ADGRA1: variants seen among roughly 807,000 people sequenced by gnomAD.
ADGRA1 encodes adhesion G protein-coupled receptor A1, also known as G-protein coupled receptor 123.
In ADGRA1, 12 loss-of-function variants were observed where a neutral mutation model predicts 21.3. That is an observed-to-expected ratio of 0.56 (90% CI 0.36 to 0.91). The LOEUF is 0.91. Ranked by LOEUF, ADGRA1 falls within the 40% of genes least tolerant of loss-of-function variation. ADGRA1 has a pLI of 0.01. For synonymous variants in ADGRA1, 385 were observed against 368.8 expected (o/e 1.04, Z -0.50); for missense variants, 790 against 805.6 (o/e 0.98, Z 0.23).
Position 133,094,998 on chromosome 10 carries a change from G to A in ADGRA1, c.4-1976G>A, listed in dbSNP as rs537908400. On this transcript the variant is annotated intron_variant, in intron 2 of 6. Transcript: ENST00000392607. ...GTGGGCGCCTACTAAACCAGCAAAC[G>A]TGGGACAACCAGCCTGGCACCGCCC... Among the ~76,000 whole-genome samples the A allele has an allele frequency of 2.6e-5, 4 of 152,272 alleles. No individual in the cohort carries two copies. The East Asian group carries it at 7.7e-4, about 29-fold the overall frequency.
intron 5 of ADGRA1, among the ~76,000 whole-genome samples, chr10:133,122,277 C>T (rs1852284011): frequency 6.6e-6 from 1 of 152,206 alleles, no homozygotes; most frequent in African/African-American, 2.4e-5. Flanking sequence ...GCAGCATCAG[C>T]CATGGCGGGA....
intron 5 of ADGRA1, among the ~76,000 whole-genome samples, chr10:133,104,806 G>A (rs1851863884): frequency 6.6e-6 from 1 of 152,206 alleles, no homozygotes; most frequent in Non-Finnish European, 1.5e-5. Flanking sequence ...AGGAGTGGTG[G>A]GCGGTGTTAG....
chr10:133,127,033 C>T (rs536174038), intron 5 of ADGRA1, among the ~76,000 whole-genome samples, 200 bp from the exon 6 acceptor site: 1 of 144,396 alleles, frequency 6.9e-6, no homozygotes, highest in East Asian at 2.3e-4. Context: ...CGCAGAGGCC[C>T]GCGGGAGGCC....
intron 5 of ADGRA1, among the ~76,000 whole-genome samples, chr10:133,119,142 C>T (rs1457403655): frequency 6.6e-6 from 1 of 152,172 alleles, no homozygotes; most frequent in Non-Finnish European, 1.5e-5. Flanking sequence ...GAGCACAGCT[C>T]AAGTCACAGC....
Position 133,088,856 on chromosome 10 carries a change from C to A in ADGRA1, c.-54C>A, listed in dbSNP as rs1851549176. The A allele has an allele frequency of 8.1e-7, 1 of 1,237,268 alleles. No homozygotes were observed. Among genetic ancestry groups the A allele is most frequent in the African/African-American group, 1.5e-5 (1 of 64,630 alleles). 76.6% of individuals were successfully genotyped at this position (1,237,268 alleles called of 1,614,324 possible). A position where few individuals can be genotyped will look rare whatever the true frequency, so the allele number is the denominator to read the frequency against. ...GGAGCAGGGCGCCACCTGATCGCCT[C>A]CCCCTGGACGCCTCCTCCAGCGGCG... On this transcript the variant is annotated 5_prime_UTR_variant, in exon 2 of 7. Coordinates refer to ENST00000392607, the MANE Select transcript of ADGRA1 (RefSeq NM_001083909.3).
At chr10:133,112,439 GGGGTCTACGGGCCACGTCA>G (rs1852058549) in intron 5 of ADGRA1, among the ~76,000 whole-genome samples, 1 of 142,446 alleles carries the variant, frequency 7.0e-6, no homozygotes, top group Non-Finnish European at 1.5e-5. Context: ...TCGGTTATTT[GGGGTCTACGGGCCACGTCA>G]GTTATTTGGG....
Position 133,102,690 on chromosome 10 carries a change from C to T in ADGRA1, c.256-7C>T, listed in dbSNP as rs1415986622. On this transcript the variant is annotated splice_polypyrimidine_tract_variant and splice_region_variant and intron_variant, in intron 4 of 6. Transcript: ENST00000392607. Reference sequence around the variant, plus strand: ...CAAGGGCCTGGCTGACCGCTGCTCCCCCACAGGTGGGCATCGTGCTGCACT... The same window carrying T: ...CAAGGGCCTGGCTGACCGCTGCTCCTCCACAGGTGGGCATCGTGCTGCACT... 2.5e-6 allele frequency: 4 copies of T among 1,593,330 alleles called. No homozygotes were observed. Among genetic ancestry groups the T allele is most frequent in the Non-Finnish European group, 3.4e-6 (4 of 1,164,838 alleles).
intron 3 of ADGRA1, among the ~76,000 whole-genome samples, chr10:133,097,710 A>T (rs960673895): frequency 5.3e-5 from 8 of 152,196 alleles, no homozygotes; most frequent in African/African-American, 1.7e-4. Context: ...GCAGCAGAAC[A>T]CGGGGGCCTC....
intron 5 of ADGRA1, among the ~76,000 whole-genome samples, chr10:133,124,801 G>C (rs1191760885): frequency 6.6e-6 from 1 of 152,254 alleles, no homozygotes; most frequent in East Asian, 1.9e-4. Flanking sequence ...GTGGATGGTG[G>C]ATGCTGGACC....
rs762897266 is a variant in ADGRA1, at chr10:133,128,446, G to A, written c.618G>A (p.Gly206=). 4.4e-6 allele frequency: 7 copies of A among 1,600,954 alleles called. No individual in the cohort carries two copies. The highest frequency in any genetic ancestry group is 6.0e-6 in the Non-Finnish European group (7 of 1,175,092). ...ACGTGCAGCTGCGGCGCCACCCAGG[G>A]CGCAGGTACGAGCTGCGCACACAGC... ...GTYVQLRRHP[G]RRYELRTQPE... The change falls in exon 7 of 7, where the codon GGG becomes GGA. Residue 206 remains glycine (G), a synonymous_variant. Coordinates refer to ENST00000392607, the MANE Select transcript of ADGRA1 (RefSeq NM_001083909.3).
At chr10:133,094,390 C>T (rs1392009224) in intron 2 of ADGRA1, among the ~76,000 whole-genome samples, 1 of 152,236 alleles carries the variant, frequency 6.6e-6, no homozygotes, top group Non-Finnish European at 1.5e-5. Context: ...TCGCAGGCAC[C>T]AGACATCAGG....
rs1564848991 is a variant in ADGRA1, at chr10:133,111,237, CCCACCAGACAA to C, written c.401+8398_401+8408del. ...CCACCACAGGCACCTCCCTCCTAAT[CCCACCAGACAA>C]CCTGCCCACCACAGGCACCTCCCTC... On this transcript the variant is annotated intron_variant, in intron 5 of 6. Transcript: ENST00000392607. Among the ~76,000 whole-genome samples the C allele has an allele frequency of 3.4e-4, 36 of 104,966 alleles. 1 individual carries two copies. The East Asian group carries it at 6.8e-3, about 20-fold the overall frequency. 68.9% of individuals were successfully genotyped at this position (104,966 alleles called of 152,430 possible).
rs1488337014 is a variant in ADGRA1, at chr10:133,129,351, C to A, written c.1523C>A (p.Pro508His). 4 of 1,587,714 alleles carry A rather than the reference C, an allele frequency of 2.5e-6. No individual in the cohort carries two copies. The highest frequency in any genetic ancestry group is 3.4e-6 in the Non-Finnish European group (4 of 1,169,282). ...CCGGGCAGGGAGGCAGCGCTCGGGC[C>A]CGGCCACTTGGAGATGCTGCGGAGG... ...TQPGREAALG[P>H]GHLEMLRRTQ... Residue 508 changes from proline to histidine, a missense_variant, in exon 7 of 7, where the codon CCC becomes CAC. Pro to His is a moderately conservative substitution (Grantham distance 77). Transcript: ENST00000392607.
At chr10:133,091,385 G>A (rs1470604906) in intron 2 of ADGRA1, among the ~76,000 whole-genome samples, 1 of 152,158 alleles carries the variant, frequency 6.6e-6, no homozygotes, top group African/African-American at 2.4e-5. Context: ...TGGTTGCTGT[G>A]GGATATGGTG....
intron 2 of ADGRA1, among the ~76,000 whole-genome samples, chr10:133,094,457 C>T (rs1402293666): frequency 1.3e-5 from 2 of 152,346 alleles, no homozygotes; most frequent in Non-Finnish European, 2.9e-5. Flanking sequence ...CCGCCCCTCG[C>T]CCCCGTAGCT....
intron 5 of ADGRA1, among the ~76,000 whole-genome samples, chr10:133,120,763 G>A (rs184585899): frequency 3.5e-4 from 54 of 152,296 alleles, no homozygotes; most frequent in Admixed American, 2.7e-3. Context: ...TCATTCATGC[G>A]TTGCTGGAGG....
At chr10:133,113,655 G>A (rs188078013) in intron 5 of ADGRA1, among the ~76,000 whole-genome samples, 65 of 152,180 alleles carry the variant, frequency 4.3e-4, no homozygotes, top group African/African-American at 1.5e-3. Context: ...TCCTCAGGAT[G>A]AGCTGCCTAA....
intron 3 of ADGRA1, among the ~76,000 whole-genome samples, chr10:133,098,203 G>C (rs1419036435): frequency 6.6e-6 from 1 of 152,162 alleles, no homozygotes; most frequent in South Asian, 2.1e-4. Flanking sequence ...TCAGCCCCAG[G>C]CTATAGCCGG....
rs1168137722 is a variant in ADGRA1 at position 133,129,061 on chromosome 10, C to G, written c.1233C>G (p.Pro411=). 2 of 1,552,610 alleles carry G rather than the reference C, an allele frequency of 1.3e-6. No homozygotes were observed. Among genetic ancestry groups the G allele is most frequent in the African/African-American group, 2.7e-5 (2 of 73,424 alleles). The part of the protein sequence containing the change: ...LQEEGAFGHD[P]HLHGCLQGRT... ...AGGAGGGCGCCTTCGGGCACGACCCCCACCTGCACGGGTGCCTTCAGGGCA... is the reference window on the plus strand; with the variant it reads ...AGGAGGGCGCCTTCGGGCACGACCCGCACCTGCACGGGTGCCTTCAGGGCA... The change falls in exon 7 of 7, where the codon CCC becomes CCG. Residue 411 remains proline (P), a synonymous_variant. Coordinates refer to ENST00000392607, the MANE Select transcript of ADGRA1 (RefSeq NM_001083909.3).
Sources: allele counts gnomAD v4.1 joint callset (sites outside exome capture counted in the v4.1 genomes callset), GRCh38; gene constraint gnomAD v4.1.1; transcripts MANE v1.5; gene names NCBI Gene and HGNC (gene_info 2026-07-23, HGNC 2026-07-21).